The following MSH3 variants were observed in gnomAD, a reference collection of about 807,000 sequenced individuals.
MSH3 encodes the protein mutS homolog 3, also known as DNA mismatch repair protein Msh3.
Under a neutral mutation model 123.3 loss-of-function variants are expected in MSH3, and 106 were observed. The observed-to-expected ratio is 0.86, with a 90% CI of 0.73 to 1.01. The LOEUF (loss-of-function observed/expected upper bound fraction) is 1.01. Among genes scored for constraint, MSH3 ranks in the 50% least tolerant of loss-of-function variants. MSH3 has a pLI of 0.00. For synonymous variants in MSH3, 515 were observed against 481.4 expected (o/e 1.07, Z -0.91); for missense variants, 1,459 against 1,347.6 (o/e 1.08, Z -1.29).
intron 19 of MSH3, among the ~76,000 whole-genome samples, chr5:80,802,226 GCT>G (rs1458287242): frequency 4.7e-5 from 7 of 149,572 alleles, no homozygotes; most frequent in Non-Finnish European, 8.9e-5. Flanking sequence ...TTTATATCCT[GCT>G]CTTTTAGTTA....
Position 80,828,636 on chromosome 5 carries a change from A to C in MSH3, c.2813+14895A>C, listed in dbSNP as rs150588726. On this transcript the variant is annotated intron_variant, in intron 20 of 23. Transcript: ENST00000265081. The stretch of plus-strand genomic sequence containing the variant: ...ATTTCTTACAGCTGTGAGCCTGTGA[A>C]ATGAACGTGTTACCTACTTCCAAAA... Among the ~76,000 whole-genome samples the C allele has an allele frequency of 6.3e-3, 966 of 152,322 alleles. 7 individuals are homozygous for C. The highest frequency in any genetic ancestry group is 0.049 in the South Asian group (235 of 4,818).
chr5:80,758,339 AC>A (rs1743967563), intron 12 of MSH3, among the ~76,000 whole-genome samples: 2 of 152,188 alleles, frequency 1.3e-5, no homozygotes, highest in South Asian at 4.1e-4. Context: ...GTAACAGTAA[AC>A]ATTTATGAGT....
chr5:80,725,681 G>A (rs1743282956), intron 9 of MSH3, 116 bp downstream of exon 9: 1 of 757,344 alleles, frequency 1.3e-6, no homozygotes, highest in South Asian at 1.5e-5. Flanking sequence ...TGTGGGAGAA[G>A]AAGAGCTCAC....
At chr5:80,729,042 ATACTT>A (rs1213789966) in intron 10 of MSH3, 77 bp downstream of exon 10, 3 of 858,560 alleles carry the variant, frequency 3.5e-6, no homozygotes, top group African/African-American at 3.4e-5. Flanking sequence ...TGGTAGTACT[ATACTT>A]AGAGAAGCTT....
chr5:80,869,787 C>T (rs1249418571), intron 22 of MSH3, among the ~76,000 whole-genome samples: 1 of 138,240 alleles, frequency 7.2e-6, no homozygotes, highest in Non-Finnish European at 1.5e-5. Context: ...TATATGTATA[C>T]ATATATACAT....
intron 12 of MSH3, among the ~76,000 whole-genome samples, chr5:80,756,506 C>G (rs1352814232): frequency 6.6e-6 from 1 of 152,120 alleles, no homozygotes; most frequent in Non-Finnish European, 1.5e-5. Context: ...CCTCCATTTT[C>G]CACTAATCTT....
At chr5:80,871,352 T>C (rs886126739) in intron 22 of MSH3, among the ~76,000 whole-genome samples, 10 of 152,222 alleles carry the variant, frequency 6.6e-5, no homozygotes, top group Non-Finnish European at 1.0e-4. Flanking sequence ...AACAAACATT[T>C]ATTACCTCAT....
chr5:80,832,474 T>C (rs969927774), intron 20 of MSH3, among the ~76,000 whole-genome samples: 1 of 151,894 alleles, frequency 6.6e-6, no homozygotes, highest in Non-Finnish European at 1.5e-5. Context: ...ACAAAACTTA[T>C]ACAGGGTGGT....
intron 12 of MSH3, among the ~76,000 whole-genome samples, chr5:80,755,501 A>C (rs1005451687): frequency 1.3e-5 from 2 of 152,200 alleles, no homozygotes; most frequent in African/African-American, 4.8e-5. Context: ...ATCGGTCTTC[A>C]AAAATGCCAT....
intron 17 of MSH3, among the ~76,000 whole-genome samples, chr5:80,779,988 A>G (rs1425185670): frequency 6.6e-6 from 1 of 152,220 alleles, no homozygotes; most frequent in African/African-American, 2.4e-5. Flanking sequence ...TTTGGTAATT[A>G]TGCTTCTTTA....
intron 16 of MSH3, 83 bp downstream of exon 16, chr5:80,775,841 C>A: frequency 4.0e-6 from 3 of 756,444 alleles, no homozygotes; most frequent in Non-Finnish European, 6.9e-6. Context: ...ATCGTAGCCA[C>A]ATTCTTGAAA....
At chr5:80,746,698 G>T in intron 12 of MSH3, 1 of 350,642 alleles carries the variant, frequency 2.9e-6, no homozygotes, top group South Asian at 2.5e-5. Flanking sequence ...AGAGGAGCTG[G>T]GTCGTTATCT....
intron 8 of MSH3, among the ~76,000 whole-genome samples, chr5:80,702,389 T>C (rs1210941168): frequency 6.6e-6 from 1 of 152,172 alleles, no homozygotes; most frequent in East Asian, 1.9e-4. Context: ...ATGAGTGGGC[T>C]TGCATGCCTC....
At chr5:80,803,471 G>A (rs998277985) in intron 19 of MSH3, among the ~76,000 whole-genome samples, 6 of 151,052 alleles carry the variant, frequency 4.0e-5, no homozygotes, top group East Asian at 2.0e-4. Flanking sequence ...TCTGGTTAGC[G>A]TTCCTTTATC....
At chr5:80,687,614 T>G (rs1040420690) in intron 8 of MSH3, among the ~76,000 whole-genome samples, 1 of 152,044 alleles carries the variant, frequency 6.6e-6, no homozygotes, top group Non-Finnish European at 1.5e-5. Context: ...GGAAATGATA[T>G]GAGGTCTGAG....
intron 21 of MSH3, among the ~76,000 whole-genome samples, chr5:80,855,324 C>T (rs1257201520): frequency 6.6e-6 from 1 of 151,994 alleles, no homozygotes. Context: ...CTTAAATAGC[C>T]AATAAAATCA....
At chr5:80,753,011 G>C (rs1743862772) in intron 12 of MSH3, among the ~76,000 whole-genome samples, 1 of 152,116 alleles carries the variant, frequency 6.6e-6, no homozygotes, top group African/African-American at 2.4e-5. Flanking sequence ...AATGAGAAAA[G>C]GGTTAGAGAT....
chr5:80,746,480 C>A, intron 12 of MSH3: 1 of 502,148 alleles, frequency 2.0e-6, no homozygotes, highest in South Asian at 1.5e-5. Flanking sequence ...TGTGTAACAT[C>A]AAGCAAACCT....
Position 80,839,934 on chromosome 5 carries a change from T to G in MSH3, c.2814-14196T>G, listed in dbSNP as rs888631018. Among the ~76,000 whole-genome samples the G allele has an allele frequency of 8.5e-5, 13 of 152,272 alleles. No individual in the cohort carries two copies. In the South Asian group the frequency reaches 1.5e-3, roughly 17 times the overall value. On this transcript the variant is annotated intron_variant, in intron 20 of 23. Coordinates refer to ENST00000265081, the MANE Select transcript of MSH3 (RefSeq NM_002439.5). ...GAGGCAACCACTGAGTGGTCCCTGA[T>G]TTTCTTCTGGTAGTTAACATTATAT...
Sources: gnomAD v4.1 joint callset for allele counts (sites outside exome capture counted in the v4.1 genomes callset) on GRCh38, gnomAD v4.1.1 for gene constraint, MANE v1.5 for transcripts, NCBI Gene and HGNC (gene_info 2026-07-23, HGNC 2026-07-21) for gene names.